The following SAP30BP variants were observed in gnomAD, a reference collection of about 807,000 sequenced individuals.
SAP30BP encodes the protein SAP30-binding protein.
A neutral mutation model predicts 46.3 loss-of-function variants in SAP30BP; 31 were observed. The observed-to-expected ratio is 0.67, with a 90% CI of 0.50 to 0.90. The LOEUF (loss-of-function observed/expected upper bound fraction) is 0.90. SAP30BP is among the 40% of genes least tolerant of loss of function. The pLI is 0.00. For synonymous variants in SAP30BP, 169 were observed against 144.2 expected (o/e 1.17, Z -1.23); for missense variants, 312 against 391.0 (o/e 0.80, Z 1.70).
At chr17:75,685,888 C>G (rs1258492894) in intron 3 of SAP30BP, among the ~76,000 whole-genome samples, 1 of 152,176 alleles carries the variant, frequency 6.6e-6, no homozygotes, top group African/African-American at 2.4e-5. Flanking sequence ...GGGAATGGCC[C>G]TCTCTGACCA....
intron 2 of SAP30BP, among the ~76,000 whole-genome samples, chr17:75,670,901 C>A (rs1452444789): frequency 1.3e-5 from 2 of 152,110 alleles, no homozygotes; most frequent in Admixed American, 6.5e-5. Context: ...TCAAATGAAA[C>A]CATTTTTTCC....
chr17:75,679,138 A>G (rs1196830296), intron 3 of SAP30BP, among the ~76,000 whole-genome samples: 2 of 151,854 alleles, frequency 1.3e-5, no homozygotes, highest in Non-Finnish European at 2.9e-5. Flanking sequence ...CTGGGACTAC[A>G]GGCGCCCGCC....
chr17:75,667,408 A>G lies in SAP30BP; in HGVS notation c.36A>G (p.Ala12=), dbSNP rs749134529. 8.7e-6 allele frequency: 14 copies of G among 1,614,088 alleles called. No homozygotes were observed. The Admixed American group carries it at 1.7e-4, about 19-fold the overall frequency. Residue 12 remains alanine (A), a synonymous_variant, in exon 1 of 11, where the codon GCA becomes GCG. Coordinates refer to ENST00000584667, the MANE Select transcript of SAP30BP (RefSeq NM_013260.8). ...AGKKNVLSSL[A]VYAEDSEPES... ...AGAAGAATGTTCTGTCGTCTCTCGCAGTTTACGCGGAAGATTCAGAGCCCG... is the reference window on the plus strand; with the variant it reads ...AGAAGAATGTTCTGTCGTCTCTCGCGGTTTACGCGGAAGATTCAGAGCCCG...
chr17:75,667,882 A>C (rs1252447642), intron 1 of SAP30BP, among the ~76,000 whole-genome samples: 1 of 152,246 alleles, frequency 6.6e-6, no homozygotes, highest in Non-Finnish European at 1.5e-5. Flanking sequence ...TGCCCTAAAC[A>C]CATCTTGGAG....
intron 3 of SAP30BP, among the ~76,000 whole-genome samples, chr17:75,690,437 G>A (rs1236684894): frequency 1.3e-5 from 2 of 152,154 alleles, no homozygotes; most frequent in Admixed American, 1.3e-4. Flanking sequence ...CACCCAGGCT[G>A]GAGTGCAGTG....
At chr17:75,668,202 G>A in intron 1 of SAP30BP, 1 of 274,082 alleles carries the variant, frequency 3.6e-6, no homozygotes, top group Non-Finnish European at 6.8e-6. Context: ...GATTTTGTGT[G>A]GTCTCTTCCA....
intron 2 of SAP30BP, among the ~76,000 whole-genome samples, chr17:75,670,604 A>C (rs1031091736): frequency 1.3e-5 from 2 of 152,174 alleles, no homozygotes; most frequent in Non-Finnish European, 1.5e-5. Context: ...TTTAAGCTTC[A>C]TTTCATATTT....
chr17:75,677,139 T>A (rs577420000), intron 3 of SAP30BP, among the ~76,000 whole-genome samples: 22 of 132,544 alleles, frequency 1.7e-4, no homozygotes, highest in Non-Finnish European at 2.8e-4. Flanking sequence ...AGACACTCAC[T>A]CTGTTGCCCA....
At chr17:75,686,975 T>C (rs2060166307) in intron 3 of SAP30BP, among the ~76,000 whole-genome samples, 1 of 152,246 alleles carries the variant, frequency 6.6e-6, no homozygotes, top group African/African-American at 2.4e-5. Context: ...CTGAAGTGAC[T>C]CACATTGATC....
intron 9 of SAP30BP, 145 bp downstream of exon 9, chr17:75,704,959 T>C: frequency 1.4e-6 from 1 of 696,030 alleles, no homozygotes; most frequent in Non-Finnish European, 2.6e-6. Flanking sequence ...CAGCAGGGCC[T>C]GTGTGCTGAG....
At chr17:75,673,593 G>C (rs1240802418) in intron 3 of SAP30BP, among the ~76,000 whole-genome samples, 6 of 152,166 alleles carry the variant, frequency 3.9e-5, no homozygotes, top group Non-Finnish European at 8.8e-5. Context: ...GGGGAAGTTG[G>C]CTGGAGAGGA....
chr17:75,672,587 C>T (rs1233887221), intron 3 of SAP30BP, among the ~76,000 whole-genome samples: 1 of 151,980 alleles, frequency 6.6e-6, no homozygotes, highest in Non-Finnish European at 1.5e-5. Flanking sequence ...GAAAAACTTC[C>T]CCCCTGTACC....
chr17:75,677,066 A>C (rs1281575518), intron 3 of SAP30BP, among the ~76,000 whole-genome samples: 5 of 149,738 alleles, frequency 3.3e-5, no homozygotes, highest in African/African-American at 7.3e-5. Flanking sequence ...AAATGTCAAG[A>C]TGTCATAAAA....
intron 5 of SAP30BP, among the ~76,000 whole-genome samples, chr17:75,701,975 C>T (rs1339050807): frequency 6.6e-6 from 1 of 152,186 alleles, no homozygotes; most frequent in East Asian, 1.9e-4. Context: ...GTTTATCTTA[C>T]TTGTGTGCAG....
rs796301553 is a variant in SAP30BP at position 75,682,183 on chromosome 17, C to T, written c.264+10320C>T. On this transcript the variant is annotated intron_variant, in intron 3 of 10. Coordinates refer to ENST00000584667, the MANE Select transcript of SAP30BP (RefSeq NM_013260.8). ...ACCTAATCTCATGATGCTAACCATA[C>T]GACCATTTTTTTTTTTTTGAGACGG... Among the ~76,000 whole-genome samples the T allele has an allele frequency of 4.6e-5, 7 of 151,618 alleles. 1 individual carries two copies. The highest frequency in any genetic ancestry group is 1.5e-4 in the African/African-American group (6 of 41,342).
At chr17:75,676,936 A>G (rs1254558678) in intron 3 of SAP30BP, among the ~76,000 whole-genome samples, 1 of 152,120 alleles carries the variant, frequency 6.6e-6, no homozygotes, top group African/African-American at 2.4e-5. Flanking sequence ...TACCCCACGG[A>G]TAAGGGGGCA....
intron 3 of SAP30BP, chr17:75,691,258 A>G (rs1437269515): frequency 1.1e-5 from 4 of 364,300 alleles, no homozygotes; most frequent in East Asian, 7.3e-5. Flanking sequence ...TTGGAACCCA[A>G]CTACCCAGTT....
At chr17:75,702,673 C>A in intron 6 of SAP30BP, 102 bp downstream of exon 6, 1 of 567,232 alleles carries the variant, frequency 1.8e-6, no homozygotes. Flanking sequence ...AGAGCCCAAA[C>A]CATCACCCAG....
At chr17:75,704,953 A>G in intron 9 of SAP30BP, 139 bp downstream of exon 9, 1 of 714,474 alleles carries the variant, frequency 1.4e-6, no homozygotes, top group Admixed American at 2.0e-5. Context: ...GCCTCTCAGC[A>G]GGGCCTGTGT....
Sources: gnomAD v4.1 joint callset for allele counts (sites outside exome capture counted in the v4.1 genomes callset) on GRCh38, gnomAD v4.1.1 for gene constraint, MANE v1.5 for transcripts, NCBI Gene and HGNC (gene_info 2026-07-23, HGNC 2026-07-21) for gene names.